PLEKHG7: variants seen among roughly 807,000 people sequenced by gnomAD.
PLEKHG7 encodes the protein pleckstrin homology and RhoGEF domain containing G7.
A neutral mutation model predicts 85.2 loss-of-function variants in PLEKHG7; 77 were observed. The ratio of observed to expected loss-of-function variants is 0.90; its 90% CI spans 0.75 to 1.09. The LOEUF (loss-of-function observed/expected upper bound fraction) is 1.09. PLEKHG7 is among the 50% of genes least tolerant of loss of function. PLEKHG7 has a pLI of 0.00. For missense variants in PLEKHG7, 777 were observed against 804.3 expected, an observed-to-expected ratio of 0.97 and a Z score of 0.41; for synonymous variants, 301 against 302.4, an observed-to-expected ratio of 1.00 and a Z score of 0.05.
intron 3 of PLEKHG7, among the ~76,000 whole-genome samples, chr12:92,710,006 T>C (rs914571348): frequency 1.3e-5 from 2 of 152,212 alleles, no homozygotes; most frequent in Admixed American, 6.5e-5. Context: ...TTCAGTTTAA[T>C]GGAAACTTTC....
chr12:92,761,867 A>T (rs1873045669), intron 14 of PLEKHG7, 36 bp downstream of exon 14: 3 of 1,524,448 alleles, frequency 2.0e-6, no homozygotes, highest in Non-Finnish European at 2.6e-6. Flanking sequence ...GTTTCTAAAC[A>T]AGTTTGCTAA....
intron 3 of PLEKHG7, among the ~76,000 whole-genome samples, chr12:92,710,127 G>T (rs1329457931): frequency 6.6e-6 from 1 of 152,180 alleles, no homozygotes; most frequent in East Asian, 1.9e-4. Context: ...ATCACTAGGG[G>T]TGATGATGAG....
chr12:92,749,602 G>A (rs1045446838), intron 10 of PLEKHG7: 11 of 152,168 alleles, frequency 7.2e-5, no homozygotes, highest in African/African-American at 1.9e-4. Context: ...AAGTCTCTTC[G>A]TGTGGCACAA....
At chr12:92,760,558 T>C (rs904968177) in intron 13 of PLEKHG7, among the ~76,000 whole-genome samples, 5 of 151,898 alleles carry the variant, frequency 3.3e-5, no homozygotes, top group Admixed American at 3.3e-4. Flanking sequence ...CTGAAAAAAA[T>C]TTACTGGGTT....
intron 3 of PLEKHG7, among the ~76,000 whole-genome samples, chr12:92,714,629 T>A (rs1871432470): frequency 6.6e-6 from 1 of 152,196 alleles, no homozygotes; most frequent in African/African-American, 2.4e-5. Flanking sequence ...GGAGTTAGAA[T>A]CCCTGAGTTC....
chr12:92,733,465 G>A lies in PLEKHG7; in HGVS notation c.699+1192G>A, dbSNP rs10507015. Among the ~76,000 whole-genome samples, 934 of 152,228 alleles carry A rather than the reference G, an allele frequency of 6.1e-3. 14 individuals carry two copies. The highest frequency in any genetic ancestry group is 0.021 in the African/African-American group (866 of 41,540). ...ATATGGAACATACTGTAAACATTAT[G>A]AGCTGCAAATCTTAAATTGTTAGTA... On this transcript the variant is annotated intron_variant, in intron 5 of 16. Transcript: ENST00000344636.
Position 92,755,934 on chromosome 12 carries a change from T to A in PLEKHG7, c.1536T>A (p.Ile512=), listed in dbSNP as rs376815801. ...PLWDRDKRFF[I]PECLKHIFKE... ...GGGATAGAGATAAAAGGTTTTTCAT[T>A]CCAGAGGTACAAAAAAAAAATCAAT... The change falls in exon 12 of 17, where the codon ATT becomes ATA. Residue 512 remains isoleucine (I), a synonymous_variant. Coordinates refer to ENST00000344636, the MANE Select transcript of PLEKHG7 (RefSeq NM_001377329.1). 21 of 1,599,058 alleles carry A rather than the reference T, an allele frequency of 1.3e-5. No homozygotes were observed. The African/African-American group carries it at 1.8e-4, about 13-fold the overall frequency.
At chr12:92,708,472 C>T (rs201936562) in intron 3 of PLEKHG7, 1 of 152,306 alleles carries the variant, frequency 6.6e-6, no homozygotes, top group South Asian at 2.1e-4. Context: ...AGATACTTAC[C>T]AAGCCATAGG....
intron 13 of PLEKHG7, among the ~76,000 whole-genome samples, chr12:92,761,471 A>G (rs1009650274): frequency 1.3e-5 from 2 of 151,940 alleles, no homozygotes; most frequent in Admixed American, 6.6e-5. Context: ...TCTGACCTAC[A>G]TGATTGGAGC....
intron 9 of PLEKHG7, among the ~76,000 whole-genome samples, chr12:92,744,965 C>T (rs1248824115): frequency 1.3e-5 from 2 of 152,148 alleles, no homozygotes; most frequent in Admixed American, 6.5e-5. Flanking sequence ...CTGCGCCCAG[C>T]CAAGATGTCC....
intron 3 of PLEKHG7, among the ~76,000 whole-genome samples, chr12:92,718,482 AC>A (rs1871551246): frequency 2.0e-5 from 3 of 152,250 alleles, no homozygotes. Flanking sequence ...TACCTAGAAC[AC>A]TGCCTGGCAC....
intron 6 of PLEKHG7, 48 bp from the exon 7 acceptor site, chr12:92,737,330 T>C: frequency 7.4e-7 from 1 of 1,350,220 alleles, no homozygotes; most frequent in Non-Finnish European, 9.5e-7. Flanking sequence ...AACAGGTCAA[T>C]CCACTGAGGT....
At chr12:92,718,642 C>T (rs1015337179) in intron 3 of PLEKHG7, among the ~76,000 whole-genome samples, 1 of 152,158 alleles carries the variant, frequency 6.6e-6, no homozygotes, top group African/African-American at 2.4e-5. Flanking sequence ...TTATCTGACT[C>T]CCTCCAGCTC....
At chr12:92,719,095 A>T (rs578219901) in intron 3 of PLEKHG7, among the ~76,000 whole-genome samples, 1 of 152,340 alleles carries the variant, frequency 6.6e-6, no homozygotes, top group East Asian at 1.9e-4. Flanking sequence ...ACTTTGATAG[A>T]AAGTTGAATT....
chr12:92,765,367 C>G (rs1023193621), intron 15 of PLEKHG7, among the ~76,000 whole-genome samples: 1 of 150,552 alleles, frequency 6.6e-6, no homozygotes, highest in African/African-American at 2.4e-5. Flanking sequence ...TGGTGGCTCA[C>G]GCCTGTAATC....
At chr12:92,769,911 A>G (rs1322765785) in intron 16 of PLEKHG7, among the ~76,000 whole-genome samples, 177 bp from the exon 17 acceptor site, 3 of 152,338 alleles carry the variant, frequency 2.0e-5, no homozygotes, top group East Asian at 3.9e-4. Context: ...GTAAGATTAG[A>G]AGTATTTATA....
At position 92,761,625 on chromosome 12, in the gene PLEKHG7, AGAAAGAAAG is replaced by A. The variant is rs1401225682; in HGVS notation, c.1637-126_1637-118del. ...AGAAAGAAAAAGAAAGAAAGAAAGA[AGAAAGAAAG>A]AAAGAAAGAAAGAAAGAAAGAAAGA... is the stretch of plus-strand genomic sequence containing the variant. On this transcript the variant is annotated intron_variant, in intron 13 of 16. Transcript: ENST00000344636. 46 of 62,132 alleles carry A rather than the reference AGAAAGAAAG, an allele frequency of 7.4e-4. No homozygotes were observed. In the Admixed American group the frequency reaches 0.022, roughly 29 times the overall value. 3.8% of individuals were successfully genotyped at this position (62,132 alleles called of 1,614,324 possible).
chr12:92,731,860 G>A (rs2136594248), intron 4 of PLEKHG7, among the ~76,000 whole-genome samples: 1 of 152,192 alleles, frequency 6.6e-6, no homozygotes, highest in African/African-American at 2.4e-5. Flanking sequence ...GAAAATGAAG[G>A]GCCTGTCCTT....
intron 3 of PLEKHG7, among the ~76,000 whole-genome samples, chr12:92,717,056 G>A (rs1871509522): frequency 6.6e-6 from 1 of 152,182 alleles, no homozygotes; most frequent in Admixed American, 6.5e-5. Context: ...TGTGGATAGG[G>A]AAACATTCCT....
Sources: allele counts gnomAD v4.1 joint callset (sites outside exome capture counted in the v4.1 genomes callset), GRCh38; gene constraint gnomAD v4.1.1; transcripts MANE v1.5; gene names NCBI Gene and HGNC (gene_info 2026-07-23, HGNC 2026-07-21).